The following RTKN2 variants were observed in gnomAD, a reference collection of about 807,000 sequenced individuals.
The protein encoded by RTKN2 is rhotekin-2.
A neutral mutation model predicts 71.5 loss-of-function variants in RTKN2; 69 were observed. The ratio of observed to expected loss-of-function variants is 0.96; its 90% CI spans 0.79 to 1.18. The LOEUF (loss-of-function observed/expected upper bound fraction) is 1.18, where lower values mean the gene tolerates loss of function less well. RTKN2 is among the 50% of genes most tolerant of loss of function. The pLI is 0.00. For missense variants in RTKN2, 724 were observed against 719.7 expected (o/e 1.01, Z -0.07); for synonymous variants, 236 against 236.5 (o/e 1.00, Z 0.02).
intron 7 of RTKN2, among the ~76,000 whole-genome samples, chr10:62,222,549 G>GTC (rs1232544085): frequency 2.0e-5 from 3 of 152,068 alleles, no homozygotes; most frequent in African/African-American, 7.2e-5. Flanking sequence ...CCTTACAACA[G>GTC]TAAGTATAAT....
intron 6 of RTKN2, among the ~76,000 whole-genome samples, chr10:62,229,569 G>T (rs1463004860): frequency 6.6e-6 from 1 of 152,074 alleles, no homozygotes; most frequent in Non-Finnish European, 1.5e-5. Flanking sequence ...ATTCTTATTG[G>T]CCACTAAAAA....
chr10:62,260,396 G>C lies in RTKN2; in HGVS notation c.257+2229C>G, dbSNP rs1043708332. Among the ~76,000 whole-genome samples the C allele has an allele frequency of 9.9e-5, 15 of 152,094 alleles. No individual in the cohort carries two copies. The South Asian group carries it at 1.2e-3, about 13-fold the overall frequency. On this transcript the variant is annotated intron_variant, in intron 2 of 11. Coordinates refer to ENST00000373789, the MANE Select transcript of RTKN2 (RefSeq NM_145307.4). ...GCAATTATAATTTCTAGTTATATCTGATCAGTCACCTCAGGTTATATCTTC... is the reference window on the plus strand; with the variant it reads ...GCAATTATAATTTCTAGTTATATCTCATCAGTCACCTCAGGTTATATCTTC...
Position 62,196,898 on chromosome 10 carries a change from T to C in RTKN2, c.*1010A>G. 3 of 984,008 alleles carry C rather than the reference T, an allele frequency of 3.0e-6. No homozygotes were observed. The highest frequency in any genetic ancestry group is 3.6e-6 in the Non-Finnish European group (3 of 828,680). The allele number at this position is 984,008 out of a possible 1,614,324, so 61.0% of individuals were successfully genotyped here. On this transcript the variant is annotated 3_prime_UTR_variant, in exon 12 of 12. Transcript: ENST00000373789. ...TCCTGTTTGGGTCACTATGATTAGTTGCTATGGAAATTACCTCCTATGGAA... is the reference window on the plus strand; with the variant it reads ...TCCTGTTTGGGTCACTATGATTAGTCGCTATGGAAATTACCTCCTATGGAA...
chr10:62,234,915 A>C (rs1039363390), intron 6 of RTKN2, among the ~76,000 whole-genome samples: 1 of 152,166 alleles, frequency 6.6e-6, no homozygotes, highest in African/African-American at 2.4e-5. Context: ...AAAGCCTCCT[A>C]CTAGAAGCTA....
intron 6 of RTKN2, among the ~76,000 whole-genome samples, chr10:62,227,090 A>G (rs1487955696): frequency 2.0e-5 from 3 of 152,354 alleles, no homozygotes; most frequent in South Asian, 4.1e-4. Flanking sequence ...ATTATCGACA[A>G]TAAGTGGGGT....
intron 6 of RTKN2, among the ~76,000 whole-genome samples, chr10:62,234,284 G>A (rs1346363344): frequency 6.6e-6 from 1 of 152,020 alleles, no homozygotes; most frequent in East Asian, 1.9e-4. Context: ...CAGCACTTTG[G>A]GAAGCTGAGG....
intron 2 of RTKN2, among the ~76,000 whole-genome samples, chr10:62,252,717 G>A (rs957917175): frequency 6.6e-6 from 1 of 151,936 alleles, no homozygotes; most frequent in Non-Finnish European, 1.5e-5. Context: ...AATAGCAGAA[G>A]CCTGAGTTAG....
chr10:62,204,768 A>G, intron 10 of RTKN2, 89 bp downstream of exon 10: 1 of 1,038,652 alleles, frequency 9.6e-7, no homozygotes, highest in African/African-American at 1.7e-5. Flanking sequence ...TTTTTGCTAC[A>G]AACTCTAAGA....
rs780864549 is a variant in RTKN2 at position 62,268,633 on chromosome 10, C to G, written c.-23G>C. ...CATCTCCAACGCGAACTGTCCGGGC[C>G]GTCGCCACTCCTTCAAAGGGAAGAT... On this transcript the variant is annotated 5_prime_UTR_variant, in exon 1 of 12. Coordinates refer to ENST00000373789, the MANE Select transcript of RTKN2 (RefSeq NM_145307.4). The G allele has an allele frequency of 8.4e-6, 13 of 1,550,588 alleles. No individual in the cohort carries two copies. The highest frequency in any genetic ancestry group is 4.4e-6 in the Non-Finnish European group (5 of 1,147,004).
chr10:62,251,360 A>T (rs1842578150), intron 2 of RTKN2, among the ~76,000 whole-genome samples: 1 of 152,180 alleles, frequency 6.6e-6, no homozygotes, highest in Non-Finnish European at 1.5e-5. Context: ...ATAGGGGTGT[A>T]TGTATAGGAA....
downstream of RTKN2, among the ~76,000 whole-genome samples, chr10:62,189,015 T>C (rs888117501): frequency 6.6e-6 from 1 of 151,150 alleles, no homozygotes; most frequent in East Asian, 1.9e-4. Context: ...CCCAAAGTGC[T>C]GGGATTACAG....
downstream of RTKN2, among the ~76,000 whole-genome samples, chr10:62,192,910 A>G (rs1841245934): frequency 6.6e-6 from 1 of 152,182 alleles, no homozygotes; most frequent in Non-Finnish European, 1.5e-5. Context: ...AAACTAACTG[A>G]AAATACCTGA....
chr10:62,255,866 A>AC (rs1278819917), intron 2 of RTKN2, among the ~76,000 whole-genome samples: 3 of 152,192 alleles, frequency 2.0e-5, no homozygotes, highest in African/African-American at 7.2e-5. Flanking sequence ...CCTAGAAAAA[A>AC]ATGTTTAACT....
At chr10:62,263,919 A>C (rs995570030) in intron 1 of RTKN2, among the ~76,000 whole-genome samples, 1 of 152,156 alleles carries the variant, frequency 6.6e-6, no homozygotes, top group Admixed American at 6.5e-5. Flanking sequence ...CGCAACATTA[A>C]AATTCTACAA....
intron 2 of RTKN2, among the ~76,000 whole-genome samples, chr10:62,253,650 T>G (rs369781857): frequency 6.6e-6 from 1 of 152,140 alleles, no homozygotes. Flanking sequence ...AAATGCAATT[T>G]TAATCAATTA....
intron 6 of RTKN2, among the ~76,000 whole-genome samples, chr10:62,224,259 G>C (rs1841972336): frequency 6.6e-6 from 1 of 151,994 alleles, no homozygotes; most frequent in South Asian, 2.1e-4. Flanking sequence ...TTCTGGAGAT[G>C]GAGGGTGGTG....
At chr10:62,203,667 G>A (rs1005218509) in intron 10 of RTKN2, among the ~76,000 whole-genome samples, 10 of 152,150 alleles carry the variant, frequency 6.6e-5, no homozygotes, top group Non-Finnish European at 1.5e-5. Context: ...CTAAATAAAT[G>A]TGGTACACGC....
chr10:62,268,751 C>A lies in RTKN2; in HGVS notation c.-141G>T, dbSNP rs950843810. 1.5e-4 allele frequency: 135 copies of A among 874,064 alleles called. No homozygotes were observed. The highest frequency in any genetic ancestry group is 2.2e-4 in the Non-Finnish European group (128 of 581,780). 54.1% of individuals were successfully genotyped at this position (874,064 alleles called of 1,614,324 possible). On this transcript the variant is annotated 5_prime_UTR_variant, in exon 1 of 12. Coordinates refer to ENST00000373789, the MANE Select transcript of RTKN2 (RefSeq NM_145307.4). ...GCAGGGGCCGGGGGCGCAGGAGGAG[C>A]CGGGCCGAAGCGCACGCGCAGTGGG...
intron 2 of RTKN2, among the ~76,000 whole-genome samples, chr10:62,251,090 CT>C (rs2133057512): frequency 6.6e-6 from 1 of 152,302 alleles, no homozygotes; most frequent in South Asian, 2.1e-4. Flanking sequence ...ATCAGAGTAA[CT>C]CTCAAGGTAT....
Sources: gnomAD v4.1 joint callset for allele counts (sites outside exome capture counted in the v4.1 genomes callset) on GRCh38, gnomAD v4.1.1 for gene constraint, MANE v1.5 for transcripts, NCBI Gene and HGNC (gene_info 2026-07-23, HGNC 2026-07-21) for gene names.